Variants in ENKUR observed in about 807,000 individuals in gnomAD.
The protein encoded by ENKUR is enkurin.
A neutral mutation model predicts 27.6 loss-of-function variants in ENKUR; 19 were observed. The ratio of observed to expected loss-of-function variants is 0.69; its 90% CI spans 0.48 to 1.01. The LOEUF (loss-of-function observed/expected upper bound fraction) is 1.01, where lower values mean the gene tolerates loss of function less well. ENKUR is among the 50% of genes least tolerant of loss of function. ENKUR has a pLI of 0.00. For missense variants in ENKUR, 312 were observed against 310.5 expected, an observed-to-expected ratio of 1.00 and a Z score of -0.04; for synonymous variants, 117 against 96.9, an observed-to-expected ratio of 1.21 and a Z score of -1.22.
chr10:25,023,182 A>C (rs1409591989), intron 2 of ENKUR: 1 of 1,565,428 alleles, frequency 6.4e-7, no homozygotes, highest in East Asian at 2.2e-5. Context: ...AAAGGGCTAA[A>C]GCCAATTTTT....
chr10:25,035,791 A>G (rs1461785217), intron 2 of ENKUR, among the ~76,000 whole-genome samples: 1 of 152,194 alleles, frequency 6.6e-6, no homozygotes, highest in Non-Finnish European at 1.5e-5. Flanking sequence ...CACAATAAAG[A>G]ATGCCTCTTT....
intron 2 of ENKUR, among the ~76,000 whole-genome samples, chr10:25,058,507 C>T (rs1319052107): frequency 6.6e-6 from 1 of 152,186 alleles, no homozygotes; most frequent in Non-Finnish European, 1.5e-5. Context: ...TGGGACCAGA[C>T]TCATTCAATT....
At chr10:25,025,160 C>G (rs1850822311) in intron 2 of ENKUR, 1 of 1,614,156 alleles carries the variant, frequency 6.2e-7, no homozygotes, top group Non-Finnish European at 8.5e-7. Context: ...ACTGCTGTTG[C>G]AAAAGTGGTT....
chr10:25,059,831 A>C (rs1448565772), intron 2 of ENKUR, among the ~76,000 whole-genome samples: 1 of 152,152 alleles, frequency 6.6e-6, no homozygotes, highest in Non-Finnish European at 1.5e-5. Flanking sequence ...TCTTAACAAA[A>C]AAAAAAAGAA....
intron 2 of ENKUR, among the ~76,000 whole-genome samples, chr10:25,048,711 AGGGTGT>A (rs1851149150): frequency 6.6e-6 from 1 of 152,044 alleles, no homozygotes; most frequent in Non-Finnish European, 1.5e-5. Context: ...GACTTTGCAA[AGGGTGT>A]GCTCAGGCTG....
intron 2 of ENKUR, among the ~76,000 whole-genome samples, chr10:25,048,057 A>G (rs1468066921): frequency 6.6e-6 from 1 of 152,160 alleles, no homozygotes; most frequent in African/African-American, 2.4e-5. Context: ...CACCACAGAG[A>G]AAAGTGGATC....
chr10:25,024,729 C>T (rs927287880), intron 2 of ENKUR: 23 of 1,614,020 alleles, frequency 1.4e-5, no homozygotes, highest in Non-Finnish European at 1.8e-5. Flanking sequence ...GAAGCCCAGT[C>T]GATGTCTGTA....
At chr10:25,007,509 A>G (rs1304510085) in intron 1 of ENKUR, among the ~76,000 whole-genome samples, 4 of 152,088 alleles carry the variant, frequency 2.6e-5, no homozygotes, top group Admixed American at 2.6e-4. Context: ...ATCTCGGCTC[A>G]CTGCAAGCTC....
At chr10:25,044,291 G>T (rs1398858058) in intron 2 of ENKUR, among the ~76,000 whole-genome samples, 1 of 152,152 alleles carries the variant, frequency 6.6e-6, no homozygotes, top group Non-Finnish European at 1.5e-5. Flanking sequence ...CTTTATTAGG[G>T]TAGGTATATT....
chr10:25,030,236 A>G (rs1386826927), intron 2 of ENKUR, among the ~76,000 whole-genome samples: 1 of 152,000 alleles, frequency 6.6e-6, no homozygotes, highest in Non-Finnish European at 1.5e-5. Flanking sequence ...CATAATTTTG[A>G]TAGAACTCAC....
At chr10:25,045,179 C>G (rs1851109054) in intron 2 of ENKUR, among the ~76,000 whole-genome samples, 1 of 151,978 alleles carries the variant, frequency 6.6e-6, no homozygotes, top group Admixed American at 6.6e-5. Flanking sequence ...TTTATTTTGT[C>G]TAGAGTTCAT....
intron 1 of ENKUR, among the ~76,000 whole-genome samples, chr10:25,007,240 C>T (rs779251236): frequency 4.6e-5 from 7 of 151,936 alleles, no homozygotes; most frequent in Non-Finnish European, 8.8e-5. Flanking sequence ...GTTCTGTAAC[C>T]GAATAATCTA....
chr10:25,008,625 A>C (rs73608217), intron 1 of ENKUR, among the ~76,000 whole-genome samples: 5,513 of 152,296 alleles, frequency 0.036, 235 homozygotes, highest in African/African-American at 0.1. Flanking sequence ...TTAAACAAAA[A>C]CTAATGCTGT....
chr10:25,007,115 AT>A (rs1204830305), intron 1 of ENKUR, among the ~76,000 whole-genome samples: 1 of 152,160 alleles, frequency 6.6e-6, no homozygotes, highest in East Asian at 1.9e-4. Flanking sequence ...TTCTGTAAAA[AT>A]TTGAGTCATC....
At chr10:25,009,152 C>T (rs964207217) in intron 1 of ENKUR, among the ~76,000 whole-genome samples, 1 of 151,972 alleles carries the variant, frequency 6.6e-6, no homozygotes, top group Non-Finnish European at 1.5e-5. Flanking sequence ...ATATACCTAA[C>T]GTAAATGATG....
chr10:25,002,561 CAG>C (rs758901252), intron 1 of ENKUR, among the ~76,000 whole-genome samples: 14 of 152,080 alleles, frequency 9.2e-5, no homozygotes, highest in Non-Finnish European at 2.1e-4. Flanking sequence ...GTTTATTGTT[CAG>C]AGTCTGATAA....
At chr10:25,027,825 G>A (rs1183565277) in intron 2 of ENKUR, among the ~76,000 whole-genome samples, 3 of 152,146 alleles carry the variant, frequency 2.0e-5, no homozygotes, top group Middle Eastern at 3.4e-3. Flanking sequence ...TCCAGCCTAG[G>A]GAACAGAGCA....
intron 3 of ENKUR, among the ~76,000 whole-genome samples, chr10:24,993,462 T>C (rs1242739990): frequency 1.3e-5 from 2 of 152,242 alleles, no homozygotes; most frequent in Admixed American, 6.5e-5. Context: ...CTGGTATTGC[T>C]AAATACCTCA....
At chr10:24,990,040 G>GA (rs771551197) in intron 4 of ENKUR, among the ~76,000 whole-genome samples, 13 of 152,004 alleles carry the variant, frequency 8.6e-5, no homozygotes, top group Admixed American at 6.5e-5. Flanking sequence ...TATAGGAAAG[G>GA]AAAAAAAGTT....
Sources: allele counts gnomAD v4.1 joint callset (sites outside exome capture counted in the v4.1 genomes callset), GRCh38; gene constraint gnomAD v4.1.1; transcripts MANE v1.5; gene names NCBI Gene and HGNC (gene_info 2026-07-23, HGNC 2026-07-21).